The following NAALADL2 variants were observed in gnomAD, a reference collection of about 807,000 sequenced individuals.
The protein encoded by NAALADL2 is N-acetylated alpha-linked acidic dipeptidase like 2, also known as inactive N-acetylated-alpha-linked acidic dipeptidase-like protein 2.
Under a neutral mutation model 87.2 loss-of-function variants are expected in NAALADL2, and 76 were observed. That is an observed-to-expected ratio of 0.87 (90% CI 0.72 to 1.05). The LOEUF (loss-of-function observed/expected upper bound fraction) is 1.05, where lower values mean the gene tolerates loss of function less well. Ranked by LOEUF, NAALADL2 falls within the 50% of genes least tolerant of loss-of-function variation. The pLI is 0.00. For synonymous variants in NAALADL2, 354 were observed against 331.0 expected (o/e 1.07, Z -0.75); for missense variants, 1,089 against 945.8 (o/e 1.15, Z -1.99).
chr3:175,467,300 T>A (rs1724221713), intron 8 of NAALADL2, 116 bp downstream of exon 8: 1 of 746,396 alleles, frequency 1.3e-6, no homozygotes, highest in Non-Finnish European at 2.2e-6. Flanking sequence ...AAGTGTCATA[T>A]TGCCTAATTT....
At chr3:175,778,726 G>T (rs1750609137) in intron 13 of NAALADL2, among the ~76,000 whole-genome samples, 1 of 152,110 alleles carries the variant, frequency 6.6e-6, no homozygotes, top group Non-Finnish European at 1.5e-5. Context: ...TTACAAGTGG[G>T]GAAGAAGAGT....
In NAALADL2 at chr3:174,860,228, A is replaced by G. The variant is rs562653771; in HGVS notation, c.43+778A>G. ...TAGATCTGCATGATCCTAAAAATATATCACCTATTTTATAGTTAAATTATA... is the reference window on the plus strand; with the variant it reads ...TAGATCTGCATGATCCTAAAAATATGTCACCTATTTTATAGTTAAATTATA... On this transcript the variant is annotated intron_variant, in intron 1 of 13. Coordinates refer to ENST00000454872, the MANE Select transcript of NAALADL2 (RefSeq NM_207015.3). Among the ~76,000 whole-genome samples, 7 of 152,286 alleles carry G rather than the reference A, an allele frequency of 4.6e-5. No individual in the cohort carries two copies. In the South Asian group the frequency reaches 1.4e-3, roughly 32 times the overall value.
chr3:174,734,888 TAAGG>T (rs1733043385), intron 2 of NAALADL2, among the ~76,000 whole-genome samples: 1 of 152,110 alleles, frequency 6.6e-6, no homozygotes, highest in Admixed American at 6.6e-5. Context: ...ATGTAAAGCT[TAAGG>T]AAGATGGAAG....
rs369587856 is a variant in NAALADL2, at chr3:175,074,407, G to A, written c.44-22383G>A. Among the ~76,000 whole-genome samples, 128 of 152,094 alleles carry A rather than the reference G, an allele frequency of 8.4e-4. 1 individual carries two copies. The highest frequency in any genetic ancestry group is 2.5e-3 in the African/African-American group (103 of 41,512). Reference sequence around the variant, plus strand: ...TTTTAATAGCTGGTAAATATAAGACGTTAAAGTTAAGATAATCTAGCATCC... The same window carrying A: ...TTTTAATAGCTGGTAAATATAAGACATTAAAGTTAAGATAATCTAGCATCC... On this transcript the variant is annotated intron_variant, in intron 1 of 13. Coordinates refer to ENST00000454872, the MANE Select transcript of NAALADL2 (RefSeq NM_207015.3).
At chr3:175,435,896 T>C (rs981074946) in intron 5 of NAALADL2, among the ~76,000 whole-genome samples, 1 of 150,190 alleles carries the variant, frequency 6.7e-6, no homozygotes, top group Non-Finnish European at 1.5e-5. Context: ...CATGTGCACA[T>C]TGTGCAGGTT....
At chr3:175,281,112 T>TAA (rs5854624) in intron 4 of NAALADL2, among the ~76,000 whole-genome samples, 6 of 144,552 alleles carry the variant, frequency 4.2e-5, no homozygotes, top group African/African-American at 1.1e-4. Context: ...AATTAAAACT[T>TAA]AAAAAAAATA....
At chr3:175,134,461 T>G (rs1346132147) in intron 2 of NAALADL2, among the ~76,000 whole-genome samples, 4 of 152,172 alleles carry the variant, frequency 2.6e-5, no homozygotes, top group South Asian at 4.1e-4. Flanking sequence ...GACTGTTTTG[T>G]AGCTTAAAAA....
intron 2 of NAALADL2, among the ~76,000 whole-genome samples, chr3:174,628,210 G>C (rs1233364110): frequency 2.6e-5 from 4 of 152,108 alleles, no homozygotes; most frequent in Admixed American, 2.6e-4. Context: ...GGTCGTTGTG[G>C]CTCACGCTTG....
chr3:175,491,610 T>A (rs1406624741), intron 9 of NAALADL2, among the ~76,000 whole-genome samples: 1 of 152,210 alleles, frequency 6.6e-6, no homozygotes, highest in Non-Finnish European at 1.5e-5. Flanking sequence ...AATAGAATTA[T>A]TTTCCACATT....
At position 175,467,014 on chromosome 3, in the gene NAALADL2, GCA is replaced by G. The variant is rs1017126450; in HGVS notation, c.1368_1369del (p.His456GlnfsTer3). ...CATAGTTGGCAGCCATCATCACACT[GCA>G]CACAGTTATAATGGACAAGAATGGG... ...YIIVGSHHHT[A>X]HSYNGQEWAS... On this transcript the variant is annotated frameshift_variant, in exon 8 of 14. Coordinates refer to ENST00000454872, the MANE Select transcript of NAALADL2 (RefSeq NM_207015.3). LOFTEE classifies it high-confidence loss of function. 3 of 1,613,542 alleles carry G rather than the reference GCA, an allele frequency of 1.9e-6. No individual in the cohort carries two copies. In the African/African-American group the frequency reaches 4.0e-5, roughly 22 times the overall value.
intron 9 of NAALADL2, among the ~76,000 whole-genome samples, chr3:175,557,018 G>T (rs1170383141): frequency 2.0e-5 from 3 of 152,180 alleles, no homozygotes; most frequent in South Asian, 4.1e-4. Flanking sequence ...AGTTTTGAAA[G>T]TATTCATGGA....
chr3:174,522,089 A>ACT (rs1720338653), intron 1 of NAALADL2, among the ~76,000 whole-genome samples: 2 of 152,008 alleles, frequency 1.3e-5, no homozygotes, highest in African/African-American at 4.8e-5. Context: ...ACAGAGTGAG[A>ACT]CTCTGTCTCA....
chr3:175,518,384 C>G (rs1732173854), intron 9 of NAALADL2, among the ~76,000 whole-genome samples: 3 of 152,190 alleles, frequency 2.0e-5, no homozygotes, highest in Non-Finnish European at 4.4e-5. Flanking sequence ...AGGAAGAGCA[C>G]CTATAATTCT....
intron 12 of NAALADL2, among the ~76,000 whole-genome samples, chr3:175,743,311 T>A (rs1250296696): frequency 6.6e-6 from 1 of 152,192 alleles, no homozygotes; most frequent in Non-Finnish European, 1.5e-5. Context: ...CAGAGAATTC[T>A]TTTATGGCAG....
intron 5 of NAALADL2, among the ~76,000 whole-genome samples, chr3:175,409,220 G>T (rs1195269593): frequency 6.6e-6 from 1 of 151,414 alleles, no homozygotes; most frequent in Non-Finnish European, 1.5e-5. Flanking sequence ...CTCTATAGTT[G>T]TGGAGACATG....
chr3:175,774,210 C>T (rs1749905132), intron 13 of NAALADL2, among the ~76,000 whole-genome samples: 1 of 152,052 alleles, frequency 6.6e-6, no homozygotes, highest in Non-Finnish European at 1.5e-5. Flanking sequence ...AGGACATCTT[C>T]AAGTTCTTTT....
At chr3:174,972,743 C>T (rs2108614164) in intron 1 of NAALADL2, among the ~76,000 whole-genome samples, 1 of 152,212 alleles carries the variant, frequency 6.6e-6, no homozygotes, top group South Asian at 2.1e-4. Flanking sequence ...CACCTGTTAT[C>T]CCAACACTTT....
chr3:175,046,418 T>C (rs1036766794), intron 1 of NAALADL2, among the ~76,000 whole-genome samples: 4 of 152,180 alleles, frequency 2.6e-5, no homozygotes, highest in Non-Finnish European at 5.9e-5. Context: ...TACTTTTTTT[T>C]CATAAATCTA....
At chr3:175,606,852 G>A (rs1316858952) in intron 10 of NAALADL2, among the ~76,000 whole-genome samples, 2 of 152,156 alleles carry the variant, frequency 1.3e-5, no homozygotes, top group Admixed American at 6.6e-5. Context: ...GGTGGGCAGG[G>A]AAGCTTACAT....
Sources: gnomAD v4.1 joint callset for allele counts (sites outside exome capture counted in the v4.1 genomes callset) on GRCh38, gnomAD v4.1.1 for gene constraint, MANE v1.5 for transcripts, NCBI Gene and HGNC (gene_info 2026-07-23, HGNC 2026-07-21) for gene names.